SSBP2: variants seen among roughly 807,000 people sequenced by gnomAD.
SSBP2 encodes the protein single-stranded DNA-binding protein 2.
In SSBP2, 17 loss-of-function variants were observed where a neutral mutation model predicts 61.8. That is an observed-to-expected ratio of 0.28 (90% CI 0.19 to 0.41). The LOEUF is 0.41. Among genes scored for constraint, SSBP2 ranks in the 10% least tolerant of loss-of-function variants. SSBP2 has a pLI of 1.00. For missense variants in SSBP2, 310 were observed against 458.7 expected (o/e 0.68, Z 2.96); for synonymous variants, 139 against 141.3 (o/e 0.98, Z 0.12).
intron 1 of SSBP2, among the ~76,000 whole-genome samples, chr5:81,729,394 T>C (rs1374882611): frequency 6.6e-6 from 1 of 152,084 alleles, no homozygotes; most frequent in Non-Finnish European, 1.5e-5. Flanking sequence ...TTTGCAGCAA[T>C]TAGAAATAGG....
At chr5:81,555,912 C>T (rs1772557822) in intron 4 of SSBP2, among the ~76,000 whole-genome samples, 2 of 152,032 alleles carry the variant, frequency 1.3e-5, no homozygotes, top group African/African-American at 4.8e-5. Context: ...AAGAGATCAG[C>T]AAACTTTTCC....
chr5:81,575,040 C>T (rs1166662839), intron 4 of SSBP2, among the ~76,000 whole-genome samples: 1 of 152,154 alleles, frequency 6.6e-6, no homozygotes, highest in East Asian at 1.9e-4. Flanking sequence ...GAGGCCAAGG[C>T]AGGTGGATCA....
intron 3 of SSBP2, among the ~76,000 whole-genome samples, chr5:81,625,155 A>G (rs1318627559): frequency 6.6e-6 from 1 of 152,186 alleles, no homozygotes; most frequent in African/African-American, 2.4e-5. Context: ...TAGTATACAA[A>G]AATGTAGACT....
intron 8 of SSBP2, among the ~76,000 whole-genome samples, chr5:81,469,752 TC>T (rs915272598): frequency 6.6e-6 from 1 of 152,008 alleles, no homozygotes; most frequent in African/African-American, 2.4e-5. Flanking sequence ...CAAAATATTT[TC>T]ATTTAGTGAA....
At chr5:81,732,281 T>G (rs1442103717) in intron 1 of SSBP2, among the ~76,000 whole-genome samples, 3 of 152,212 alleles carry the variant, frequency 2.0e-5, no homozygotes, top group Non-Finnish European at 4.4e-5. Context: ...CCATGATCTA[T>G]AATATGAATA....
At chr5:81,614,296 C>G (rs888413431) in intron 4 of SSBP2, among the ~76,000 whole-genome samples, 1 of 139,572 alleles carries the variant, frequency 7.2e-6, no homozygotes, top group African/African-American at 2.6e-5. Flanking sequence ...GGAGGCGGAG[C>G]TTGCAGTGAG....
At chr5:81,551,096 GAAAAAAAAAA>G (rs35816072) in intron 4 of SSBP2, among the ~76,000 whole-genome samples, 2 of 80,222 alleles carry the variant, frequency 2.5e-5, no homozygotes, top group African/African-American at 8.4e-5. Context: ...ACTCCATCTC[GAAAAAAAAAA>G]AAAAAAAAAG....
chr5:81,654,549 C>G (rs1381011081), intron 1 of SSBP2, among the ~76,000 whole-genome samples: 1 of 152,202 alleles, frequency 6.6e-6, no homozygotes, highest in Non-Finnish European at 1.5e-5. Context: ...CCACTCCTTT[C>G]TTTCCTCCTT....
intron 3 of SSBP2, among the ~76,000 whole-genome samples, chr5:81,632,283 T>A (rs1747801126): frequency 6.6e-6 from 1 of 152,198 alleles, no homozygotes; most frequent in Non-Finnish European, 1.5e-5. Context: ...TAAACTTTTC[T>A]TTCGTTTCTA....
At chr5:81,463,124 T>C (rs1764654098) in intron 9 of SSBP2, among the ~76,000 whole-genome samples, 2 of 152,128 alleles carry the variant, frequency 1.3e-5, no homozygotes, top group African/African-American at 2.4e-5. Flanking sequence ...AATTTCATTT[T>C]ACTATTAAGT....
At chr5:81,483,152 A>G (rs931841486) in intron 6 of SSBP2, among the ~76,000 whole-genome samples, 2 of 152,186 alleles carry the variant, frequency 1.3e-5, no homozygotes, top group African/African-American at 4.8e-5. Context: ...AGTCACATCA[A>G]AATCAGTGAT....
chr5:81,439,425 T>C (rs1161706928), intron 14 of SSBP2, among the ~76,000 whole-genome samples: 2 of 152,134 alleles, frequency 1.3e-5, no homozygotes, highest in East Asian at 3.9e-4. Flanking sequence ...TATTTCTCAC[T>C]ATTGTTAAAA....
chr5:81,515,378 CAT>C (rs1440138000), intron 4 of SSBP2, among the ~76,000 whole-genome samples: 3 of 151,736 alleles, frequency 2.0e-5, no homozygotes, highest in Non-Finnish European at 1.5e-5. Context: ...AACAAAAAGA[CAT>C]ATTAAAAAAG....
At chr5:81,691,923 A>G (rs1048568322) in intron 1 of SSBP2, among the ~76,000 whole-genome samples, 1 of 152,116 alleles carries the variant, frequency 6.6e-6, no homozygotes, top group African/African-American at 2.4e-5. Context: ...AAATCAATCA[A>G]TGTGCCTTTC....
intron 4 of SSBP2, among the ~76,000 whole-genome samples, chr5:81,564,486 A>G (rs1046570948): frequency 1.3e-5 from 2 of 152,204 alleles, no homozygotes; most frequent in African/African-American, 4.8e-5. Flanking sequence ...TTCATTGTCT[A>G]TTCTACCCTT....
intron 1 of SSBP2, among the ~76,000 whole-genome samples, chr5:81,692,147 C>T (rs940224810): frequency 1.3e-5 from 2 of 152,124 alleles, no homozygotes; most frequent in African/African-American, 4.8e-5. Flanking sequence ...AAGTGACAAA[C>T]AAATTTGGGA....
At chr5:81,737,500 T>C (rs1279317337) in intron 1 of SSBP2, among the ~76,000 whole-genome samples, 1 of 151,868 alleles carries the variant, frequency 6.6e-6, no homozygotes, top group Non-Finnish European at 1.5e-5. Context: ...GAGCCCTGTT[T>C]GGCCAGGCGC....
intron 4 of SSBP2, among the ~76,000 whole-genome samples, chr5:81,550,634 C>G (rs1157990378): frequency 6.6e-6 from 1 of 152,214 alleles, no homozygotes; most frequent in Non-Finnish European, 1.5e-5. Flanking sequence ...CAATCTGACT[C>G]TCTACATAAA....
intron 1 of SSBP2, among the ~76,000 whole-genome samples, chr5:81,744,901 T>C (rs138192664): frequency 1.2e-3 from 175 of 152,142 alleles, no homozygotes; most frequent in African/African-American, 4.1e-3. Flanking sequence ...CAACTGAAGT[T>C]TGTCTTTAAA....
Sources: gnomAD v4.1 joint callset for allele counts (sites outside exome capture counted in the v4.1 genomes callset) on GRCh38, gnomAD v4.1.1 for gene constraint, MANE v1.5 for transcripts, NCBI Gene and HGNC (gene_info 2026-07-23, HGNC 2026-07-21) for gene names.